LPIN2: variants seen among roughly 807,000 people sequenced by gnomAD.
LPIN2 encodes the protein phosphatidate phosphatase LPIN2.
Under a neutral mutation model 111.4 loss-of-function variants are expected in LPIN2, and 55 were observed. The observed-to-expected ratio is 0.49, with a 90% CI of 0.40 to 0.62. The LOEUF is 0.62. Ranked by LOEUF, LPIN2 falls within the 20% of genes least tolerant of loss-of-function variation. LPIN2 has a pLI of 0.00. For missense variants in LPIN2, 992 were observed against 1,112.1 expected, an observed-to-expected ratio of 0.89 and a Z score of 1.54; for synonymous variants, 425 against 414.0, an observed-to-expected ratio of 1.03 and a Z score of -0.32.
chr18:2,991,776 G>T (rs2078269287), intron 1 of LPIN2, among the ~76,000 whole-genome samples: 1 of 152,010 alleles, frequency 6.6e-6, no homozygotes, highest in African/African-American at 2.4e-5. Context: ...CTTTGGGAGG[G>T]GGAGGTGGGT....
At chr18:3,004,666 C>T (rs894416331) in intron 1 of LPIN2, among the ~76,000 whole-genome samples, 2 of 152,150 alleles carry the variant, frequency 1.3e-5, no homozygotes, top group African/African-American at 4.8e-5. Flanking sequence ...ACTGACATAC[C>T]ACGTCTCACA....
chr18:2,930,531 G>GGA (rs1744581164), intron 9 of LPIN2, among the ~76,000 whole-genome samples: 2 of 152,162 alleles, frequency 1.3e-5, no homozygotes, highest in African/African-American at 4.8e-5. Flanking sequence ...TTCCTCTAAG[G>GGA]GAGAGGGAAG....
chr18:3,004,893 C>G (rs1487452218), intron 1 of LPIN2, among the ~76,000 whole-genome samples: 1 of 152,162 alleles, frequency 6.6e-6, no homozygotes, highest in Admixed American at 6.5e-5. Context: ...CCAAAGTGCA[C>G]CAAGTAGGCA....
intron 1 of LPIN2, chr18:2,990,659 G>T (rs2078251818): frequency 2.2e-5 from 5 of 229,846 alleles, no homozygotes; most frequent in Non-Finnish European, 2.7e-5. Flanking sequence ...CGTGACTACT[G>T]CAACACACAC....
At position 2,951,131 on chromosome 18, in the gene LPIN2, C is replaced by G. The variant is rs764506252; in HGVS notation, c.514G>C (p.Ala172Pro). The G allele has an allele frequency of 6.2e-7, 1 of 1,614,204 alleles. No individual in the cohort carries two copies. The highest frequency in any genetic ancestry group is 8.5e-7 in the Non-Finnish European group (1 of 1,180,040). Reference sequence around the variant, plus strand: ...GTGTCTTCTGCAGCAGCAGATGCGGCCTGCTCTTCCTTCTTACTGTCCTGT... The same window carrying G: ...GTGTCTTCTGCAGCAGCAGATGCGGGCTGCTCTTCCTTCTTACTGTCCTGT... ...YKQDSKKEEQ[A>P]ASAAAEDTCD... The change falls in exon 4 of 20, where the codon GCC (alanine) becomes CCC (proline). Residue 172 changes from alanine to proline, a missense_variant. By Grantham distance (27) the Ala-to-Pro change is conservative. Coordinates refer to ENST00000677752, the MANE Select transcript of LPIN2 (RefSeq NM_001375808.2).
At chr18:2,939,323 A>G (rs931870026) in intron 6 of LPIN2, among the ~76,000 whole-genome samples, 157 bp downstream of exon 6, 1 of 152,256 alleles carries the variant, frequency 6.6e-6, no homozygotes, top group South Asian at 2.1e-4. Flanking sequence ...AATGTTACAA[A>G]AAATGTTAAC....
intron 2 of LPIN2, among the ~76,000 whole-genome samples, chr18:2,960,051 T>C (rs1361287923): frequency 2.0e-5 from 3 of 151,958 alleles, no homozygotes; most frequent in Admixed American, 6.6e-5. Flanking sequence ...GTGCCTGTAA[T>C]CCCAGGCACT....
Position 2,953,901 on chromosome 18 carries a change from G to A in LPIN2, c.288+603C>T, listed in dbSNP as rs118026990. ...CATCAAGAATCCGTCGTTAACTAGC[G>A]TTCAAATCAGTACATACAGAATGTG... On this transcript the variant is annotated intron_variant, in intron 3 of 19. Transcript: ENST00000677752. 9.2e-3 allele frequency among the ~76,000 whole-genome samples: 1,397 copies of A among 152,238 alleles called. 18 individuals carry two copies. The highest frequency in any genetic ancestry group is 0.016 in the Non-Finnish European group (1,108 of 68,006).
At chr18:3,012,051 C>A (rs1300689305) in intron 1 of LPIN2, 1 of 152,218 alleles carries the variant, frequency 6.6e-6, no homozygotes, top group Non-Finnish European at 1.5e-5. Context: ...TCAAAACCGA[C>A]TTTGTATTGT....
At chr18:2,966,360 C>T (rs1954102225) in intron 1 of LPIN2, among the ~76,000 whole-genome samples, 1 of 152,190 alleles carries the variant, frequency 6.6e-6, no homozygotes, top group Non-Finnish European at 1.5e-5. Context: ...CACAACTAAA[C>T]TTGTTACACG....
Position 2,940,673 on chromosome 18 carries a change from T to G in LPIN2, c.630A>C (p.Lys210Asn). Reference sequence around the variant, plus strand: ...CCCCAGAATGGAAGAGCAAAGGCTCTTTACATTCTTCTTCTTTCAAGGAAG... The same window carrying G: ...CCCCAGAATGGAAGAGCAAAGGCTCGTTACATTCTTCTTCTTTCAAGGAAG... ...SNASLKEEEC[K>N]EPLLFHSGDH... The change falls in exon 5 of 20, where the codon AAA (lysine) becomes AAC (asparagine). Residue 210 changes from lysine to asparagine, a missense_variant. By Grantham distance (94) the Lys-to-Asn change is moderately conservative. Coordinates refer to ENST00000677752, the MANE Select transcript of LPIN2 (RefSeq NM_001375808.2). The G allele has an allele frequency of 6.2e-7, 1 of 1,613,370 alleles. No homozygotes were observed.
At chr18:2,987,717 A>C (rs1277366862) in intron 1 of LPIN2, among the ~76,000 whole-genome samples, 1 of 152,148 alleles carries the variant, frequency 6.6e-6, no homozygotes, top group Non-Finnish European at 1.5e-5. Context: ...TACTTAGTAA[A>C]TTACTCTTAG....
chr18:3,010,727 C>G (rs2078588358), intron 1 of LPIN2, among the ~76,000 whole-genome samples: 1 of 152,170 alleles, frequency 6.6e-6, no homozygotes, highest in African/African-American at 2.4e-5. Context: ...CTACCTGTTA[C>G]CACTAATCTA....
intron 12 of LPIN2, 66 bp from the exon 13 acceptor site, chr18:2,926,871 C>T (rs1391809474): frequency 1.6e-6 from 2 of 1,258,198 alleles, no homozygotes; most frequent in Non-Finnish European, 2.3e-6. Context: ...AGTTCATCAG[C>T]AGCCCTCTCT....
In LPIN2 at chr18:2,920,259, G is replaced by A. The variant is rs1165798203; in HGVS notation, c.*34C>T. ...CTGCCTTCCCTTGCTGTGGGGAGGG[G>A]GACCAAGCCCTGCCCACCCACTGAG... On this transcript the variant is annotated 3_prime_UTR_variant, in exon 20 of 20. Transcript: ENST00000677752. 1.9e-6 allele frequency: 3 copies of A among 1,613,642 alleles called. No individual in the cohort carries two copies. Among genetic ancestry groups the A allele is most frequent in the Non-Finnish European group, 2.5e-6 (3 of 1,179,866 alleles).
chr18:2,932,961 A>G (rs1323307395), intron 8 of LPIN2, among the ~76,000 whole-genome samples: 1 of 152,224 alleles, frequency 6.6e-6, no homozygotes, highest in African/African-American at 2.4e-5. Context: ...CCACCTCTAC[A>G]GCAGCTAGTG....
intron 4 of LPIN2, among the ~76,000 whole-genome samples, chr18:2,944,958 A>C (rs1189341725): frequency 6.6e-6 from 1 of 152,230 alleles, no homozygotes. Flanking sequence ...TAAAAATTCA[A>C]GTAGTTGTAA....
At chr18:3,012,609 T>G (rs1244878914) in intron 1 of LPIN2, among the ~76,000 whole-genome samples, 1 of 152,078 alleles carries the variant, frequency 6.6e-6, no homozygotes, top group Non-Finnish European at 1.5e-5. Context: ...GGCCCCCGCC[T>G]CGCCGCAGAT....
At chr18:2,940,186 G>C (rs2077349605) in intron 5 of LPIN2, among the ~76,000 whole-genome samples, 1 of 152,126 alleles carries the variant, frequency 6.6e-6, no homozygotes, top group South Asian at 2.1e-4. Context: ...ACTTAGCTGA[G>C]CACAGTGGTG....
Sources: allele counts gnomAD v4.1 joint callset (sites outside exome capture counted in the v4.1 genomes callset), GRCh38; gene constraint gnomAD v4.1.1; transcripts MANE v1.5; gene names NCBI Gene and HGNC (gene_info 2026-07-23, HGNC 2026-07-21).